DPRX: variants seen among roughly 807,000 people sequenced by gnomAD.
DPRX encodes the protein divergent-paired related homeobox, also known as divergent paired-related homeobox.
In DPRX, 11 loss-of-function variants were observed where a neutral mutation model predicts 8.4. That is an observed-to-expected ratio of 1.31 (90% CI 0.82 to 2.17). The LOEUF (loss-of-function observed/expected upper bound fraction) is 2.17, where lower values mean the gene tolerates loss of function less well. Among genes scored for constraint, DPRX ranks in the 30% most tolerant of loss-of-function variants. The probability of loss-of-function intolerance (pLI) is 0.00; values close to 1 mark genes in which losing one functional copy is unlikely to be tolerated. For missense variants in DPRX, 211 were observed against 236.7 expected (o/e 0.89, Z 0.71); for synonymous variants, 72 against 87.0 (o/e 0.83, Z 0.96).
At chr19:53,603,465 G>T in the DPRX span, 1 of 450,532 alleles carries the variant, frequency 2.2e-6, no homozygotes, top group Admixed American at 2.4e-5. Flanking sequence ...ACATGCTGGG[G>T]ATTCTGCTTT....
At chr19:53,628,366 T>G (rs529204852), upstream of DPRX, among the ~76,000 whole-genome samples, 97 of 152,222 alleles carry the variant, frequency 6.4e-4, no homozygotes, top group African/African-American at 2.1e-3. Flanking sequence ...ATAAAAATAA[T>G]CAGTCCTTGG....
the DPRX span, among the ~76,000 whole-genome samples, chr19:53,622,913 T>C: frequency 2.0e-5 from 3 of 152,132 alleles, no homozygotes; most frequent in African/African-American, 7.2e-5. Context: ...GCCCCTTATA[T>C]TGACTGTTGG....
chr19:53,636,271 C>A (rs1292182874), intron 2 of DPRX, among the ~76,000 whole-genome samples: 18 of 151,996 alleles, frequency 1.2e-4, no homozygotes, highest in Non-Finnish European at 7.4e-5. Flanking sequence ...GAGGCTGAGG[C>A]AGAAGCATCG....
At chr19:53,623,775 A>G in the DPRX span, among the ~76,000 whole-genome samples, 2 of 151,742 alleles carry the variant, frequency 1.3e-5, no homozygotes, top group African/African-American at 2.4e-5. Flanking sequence ...ACATGGTGAA[A>G]CCCCGTCTCT....
chr19:53,624,137 G>A, the DPRX span, among the ~76,000 whole-genome samples: 2 of 134,466 alleles, frequency 1.5e-5, no homozygotes, highest in African/African-American at 5.7e-5. Flanking sequence ...ACCCAGGCTG[G>A]AGTGCAGTGG....
chr19:53,608,912 G>A, the DPRX span, among the ~76,000 whole-genome samples: 13 of 133,084 alleles, frequency 9.8e-5, no homozygotes, highest in African/African-American at 3.4e-4. Context: ...CCAAGATCGC[G>A]CCACTGCACT....
At chr19:53,602,304 G>A in the DPRX span, 3 of 318,030 alleles carry the variant, frequency 9.4e-6, no homozygotes, top group Non-Finnish European at 1.9e-5. Context: ...GTGTGTGTGT[G>A]TGTGTGTGCC....
intron 2 of DPRX, among the ~76,000 whole-genome samples, chr19:53,635,103 G>A (rs1244665755): frequency 3.3e-5 from 5 of 152,252 alleles, no homozygotes; most frequent in African/African-American, 1.2e-4. Flanking sequence ...ACCCCAAGTA[G>A]CTGGGACTAC....
chr19:53,631,347 A>G (rs1236232885), upstream of DPRX, among the ~76,000 whole-genome samples: 1 of 152,086 alleles, frequency 6.6e-6, no homozygotes. Context: ...TAACTAAATC[A>G]GGATATGCAG....
At chr19:53,617,131 A>C in the DPRX span, 1 of 1,234,860 alleles carries the variant, frequency 8.1e-7, no homozygotes, top group Non-Finnish European at 1.2e-6. Flanking sequence ...GATCGAATGC[A>C]CCAAATATCC....
At chr19:53,624,543 G>A in the DPRX span, among the ~76,000 whole-genome samples, 1 of 151,978 alleles carries the variant, frequency 6.6e-6, no homozygotes, top group Non-Finnish European at 1.5e-5. Context: ...CTTCTGAGTA[G>A]TTGGGATTAC....
intron 1 of DPRX, among the ~76,000 whole-genome samples, chr19:53,633,293 A>C (rs1433908857): frequency 6.6e-6 from 1 of 152,322 alleles, no homozygotes; most frequent in Admixed American, 6.5e-5. Context: ...AGAAAAAGAA[A>C]GTAAAAGGTG....
chr19:53,622,238 A>G, the DPRX span, among the ~76,000 whole-genome samples: 1 of 152,202 alleles, frequency 6.6e-6, no homozygotes, highest in African/African-American at 2.4e-5. Flanking sequence ...TGCTTTCAGC[A>G]GGACATACTT....
the DPRX span, among the ~76,000 whole-genome samples, chr19:53,617,576 G>GAA: frequency 1.4e-4 from 15 of 107,576 alleles, no homozygotes; most frequent in Admixed American, 2.8e-4. Flanking sequence ...AAAAAAAAAA[G>GAA]AAAAAAAAAA....
chr19:53,614,314 T>G, the DPRX span, among the ~76,000 whole-genome samples: 1 of 152,138 alleles, frequency 6.6e-6, no homozygotes, highest in African/African-American at 2.4e-5. Context: ...ACTTGGAGGC[T>G]GAGAAGGAAG....
chr19:53,603,382 G>T, the DPRX span: 1 of 456,410 alleles, frequency 2.2e-6, no homozygotes, highest in Non-Finnish European at 4.4e-6. Flanking sequence ...TAGACGATGC[G>T]GCCCCATCTC....
chr19:53,609,410 T>C, the DPRX span, among the ~76,000 whole-genome samples: 1 of 130,376 alleles, frequency 7.7e-6, no homozygotes, highest in African/African-American at 2.9e-5. Flanking sequence ...GAGGCTGCTG[T>C]GAGCCAAGAC....
the DPRX span, among the ~76,000 whole-genome samples, chr19:53,617,983 C>A: frequency 3.3e-5 from 5 of 151,846 alleles, no homozygotes; most frequent in Admixed American, 2.6e-4. Flanking sequence ...ACTAAAAATA[C>A]AAAAATTAGC....
chr19:53,612,270 C>G, the DPRX span, among the ~76,000 whole-genome samples: 1 of 152,224 alleles, frequency 6.6e-6, no homozygotes, highest in South Asian at 2.1e-4. Flanking sequence ...GTAGTCCCAG[C>G]TAGTTAGGAG....
Sources: gnomAD v4.1 joint callset for allele counts (sites outside exome capture counted in the v4.1 genomes callset) on GRCh38, gnomAD v4.1.1 for gene constraint, MANE v1.5 for transcripts, NCBI Gene and HGNC (gene_info 2026-07-23, HGNC 2026-07-21) for gene names.